Variants in GLT1D1 observed in about 807,000 individuals in gnomAD.
GLT1D1 encodes glycosyltransferase 1 domain-containing protein 1.
In GLT1D1, 21 loss-of-function variants were observed where a neutral mutation model predicts 28.7. That is an observed-to-expected ratio of 0.73 (90% CI 0.52 to 1.05). The LOEUF is 1.05. GLT1D1 is among the 50% of genes least tolerant of loss of function. The pLI is 0.00. For synonymous variants in GLT1D1, 147 were observed against 124.8 expected (o/e 1.18, Z -1.19); for missense variants, 343 against 330.6 (o/e 1.04, Z -0.29).
At chr12:128,888,305 G>T (rs144033430) in intron 2 of GLT1D1, among the ~76,000 whole-genome samples, 49 of 152,256 alleles carry the variant, frequency 3.2e-4, no homozygotes, top group African/African-American at 1.1e-3. Flanking sequence ...GAATTTTGAT[G>T]ATGGCAGATT....
At chr12:128,952,773 C>CT (rs71072430) in intron 6 of GLT1D1, among the ~76,000 whole-genome samples, 2,426 of 58,796 alleles carry the variant, frequency 0.041, 613 homozygotes, top group African/African-American at 0.1. Flanking sequence ...CCGTGACTGG[C>CT]TTTTTTTTTT....
chr12:128,971,474 C>G (rs1593207888), intron 7 of GLT1D1, among the ~76,000 whole-genome samples: 1 of 57,076 alleles, frequency 1.8e-5, no homozygotes, highest in Non-Finnish European at 3.8e-5. Context: ...CCCTCTGCCT[C>G]CCTCCCTCCC....
chr12:128,976,236 C>T (rs915221842), intron 7 of GLT1D1, among the ~76,000 whole-genome samples: 2 of 152,180 alleles, frequency 1.3e-5, no homozygotes, highest in African/African-American at 2.4e-5. Context: ...TGCCTTAGAC[C>T]TGTCAGGCTT....
intron 7 of GLT1D1, among the ~76,000 whole-genome samples, chr12:128,970,908 A>C (rs1300469318): frequency 1.3e-5 from 2 of 151,910 alleles, no homozygotes; most frequent in East Asian, 3.9e-4. Flanking sequence ...CCTCGCAGGG[A>C]CTCTGATATG....
intron 3 of GLT1D1, among the ~76,000 whole-genome samples, chr12:128,890,526 G>A (rs1868920824): frequency 6.6e-6 from 1 of 152,190 alleles, no homozygotes. Flanking sequence ...ACTCAGGCCT[G>A]TAATCCCAGC....
At chr12:128,897,380 A>G (rs946198325) in intron 3 of GLT1D1, among the ~76,000 whole-genome samples, 1 of 152,124 alleles carries the variant, frequency 6.6e-6, no homozygotes, top group South Asian at 2.1e-4. Flanking sequence ...TTTAAATTTT[A>G]ATATAATCAA....
chr12:128,943,363 T>A (rs544132717), intron 4 of GLT1D1, among the ~76,000 whole-genome samples: 5 of 152,272 alleles, frequency 3.3e-5, no homozygotes, highest in South Asian at 2.1e-4. Context: ...CTCTTTTTTT[T>A]TTTTGGCAGG....
chr12:128,884,859 G>T (rs1349287885), intron 2 of GLT1D1, among the ~76,000 whole-genome samples: 3 of 150,648 alleles, frequency 2.0e-5, no homozygotes, highest in African/African-American at 7.3e-5. Flanking sequence ...GGTTTTAAGT[G>T]TTCTCATCAC....
At chr12:128,950,613 C>T (rs376639223) in intron 6 of GLT1D1, among the ~76,000 whole-genome samples, 2 of 152,198 alleles carry the variant, frequency 1.3e-5, no homozygotes, top group Non-Finnish European at 2.9e-5. Context: ...GGTGCCCCCC[C>T]CTCACAGATC....
chr12:128,928,012 A>AAAC (rs1489675616), intron 4 of GLT1D1, among the ~76,000 whole-genome samples: 11 of 150,194 alleles, frequency 7.3e-5, no homozygotes, highest in Non-Finnish European at 1.6e-4. Context: ...AAAAAAAAAA[A>AAAC]AAAAAAAAAA....
At chr12:128,881,561 AATATATAT>A (rs1174737837) in intron 2 of GLT1D1, among the ~76,000 whole-genome samples, 443 of 33,562 alleles carry the variant, frequency 0.013, 2 homozygotes, top group African/African-American at 0.024. Flanking sequence ...AAAAAAAAAA[AATATATAT>A]ATATATATAT....
chr12:128,915,936 T>C (rs1872065801), intron 4 of GLT1D1, among the ~76,000 whole-genome samples: 1 of 152,246 alleles, frequency 6.6e-6, no homozygotes, highest in South Asian at 2.1e-4. Context: ...TTGACAAATG[T>C]ATATACCCAT....
At chr12:128,906,335 C>G (rs983940688) in intron 4 of GLT1D1, among the ~76,000 whole-genome samples, 4 of 152,108 alleles carry the variant, frequency 2.6e-5, no homozygotes, top group African/African-American at 9.7e-5. Context: ...AGCGCTTTGT[C>G]TAAATTCATC....
intron 7 of GLT1D1, among the ~76,000 whole-genome samples, chr12:128,960,068 T>C (rs1319906004): frequency 6.6e-6 from 1 of 152,184 alleles, no homozygotes; most frequent in African/African-American, 2.4e-5. Context: ...TGTATTCAGG[T>C]CATTTCTGCG....
intron 7 of GLT1D1, among the ~76,000 whole-genome samples, chr12:128,957,868 G>A (rs909734601): frequency 6.6e-5 from 10 of 152,202 alleles, no homozygotes; most frequent in Non-Finnish European, 1.5e-4. Flanking sequence ...CTGTTGCCAA[G>A]TTGCTCTAAG....
rs1001392036 is a variant in GLT1D1, at chr12:128,933,192, G to A, written c.376-12134G>A. ...AAAAGCCCTGTTTATCAGTGTCCAT[G>A]TGTCAATGCTTTACCAAGGCCAGTT... On this transcript the variant is annotated intron_variant, in intron 4 of 7. Coordinates refer to ENST00000281703, the MANE Select transcript of GLT1D1 (RefSeq NM_144669.3). Among the ~76,000 whole-genome samples the A allele has an allele frequency of 3.3e-4, 50 of 152,228 alleles. 1 individual carries two copies.
At chr12:128,938,461 G>A (rs1035443964) in intron 4 of GLT1D1, among the ~76,000 whole-genome samples, 1 of 152,282 alleles carries the variant, frequency 6.6e-6, no homozygotes, top group African/African-American at 2.4e-5. Flanking sequence ...GGATGTCAAC[G>A]AGCTTAACAT....
At chr12:128,891,364 G>T (rs1869033652) in intron 3 of GLT1D1, among the ~76,000 whole-genome samples, 1 of 152,118 alleles carries the variant, frequency 6.6e-6, no homozygotes, top group Non-Finnish European at 1.5e-5. Flanking sequence ...ACTGGCTGCT[G>T]GTGTTAGAAG....
chr12:128,902,278 G>T (rs1870361710), intron 4 of GLT1D1, among the ~76,000 whole-genome samples: 1 of 151,166 alleles, frequency 6.6e-6, no homozygotes, highest in African/African-American at 2.5e-5. Flanking sequence ...GAGGTCAGGA[G>T]TTCGAGACCA....
Sources: allele counts gnomAD v4.1 joint callset (sites outside exome capture counted in the v4.1 genomes callset), GRCh38; gene constraint gnomAD v4.1.1; transcripts MANE v1.5; gene names NCBI Gene and HGNC (gene_info 2026-07-23, HGNC 2026-07-21).